The following TENM2 variants were observed in gnomAD, a reference collection of about 807,000 sequenced individuals.
The protein encoded by TENM2 is teneurin-2.
A neutral mutation model predicts 245.2 loss-of-function variants in TENM2; 52 were observed. The ratio of observed to expected loss-of-function variants is 0.21; its 90% confidence interval spans 0.17 to 0.27. The LOEUF is 0.27. Ranked by LOEUF, TENM2 falls within the 10% of genes least tolerant of loss-of-function variation. The probability of loss-of-function intolerance (pLI) is 1.00; values close to 1 mark genes in which losing one functional copy is unlikely to be tolerated. For missense variants in TENM2, 3,046 were observed against 3,666.8 expected (o/e 0.83, Z 4.37); for synonymous variants, 1,363 against 1,438.9 (o/e 0.95, Z 1.19).
intron 2 of TENM2, among the ~76,000 whole-genome samples, chr5:167,822,794 T>A (rs1297588336): frequency 1.3e-5 from 2 of 152,202 alleles, no homozygotes; most frequent in Admixed American, 6.5e-5. Flanking sequence ...AGGGGGGCTA[T>A]TAGCAGGCAT....
At chr5:167,299,860 G>A (rs1581692828) in intron 1 of TENM2, among the ~76,000 whole-genome samples, 1 of 152,160 alleles carries the variant, frequency 6.6e-6, no homozygotes, top group Non-Finnish European at 1.5e-5. Flanking sequence ...AACAAAGAGT[G>A]AGTACAGCTG....
At chr5:167,462,188 C>CCA (rs1554159735) in intron 2 of TENM2, among the ~76,000 whole-genome samples, 2 of 129,850 alleles carry the variant, frequency 1.5e-5, no homozygotes, top group African/African-American at 2.8e-5. Flanking sequence ...CCCACCCCCC[C>CCA]CCCCCATTGC....
chr5:167,930,620 G>A (rs932247653), intron 3 of TENM2, among the ~76,000 whole-genome samples: 2 of 151,992 alleles, frequency 1.3e-5, no homozygotes, highest in African/African-American at 4.8e-5. Flanking sequence ...GACTACAGGT[G>A]CATGCCACTA....
chr5:167,775,299 A>G (rs1267662382), intron 2 of TENM2, among the ~76,000 whole-genome samples: 1 of 152,162 alleles, frequency 6.6e-6, no homozygotes, highest in African/African-American at 2.4e-5. Flanking sequence ...CCACCTTGAA[A>G]CCAGTAAGCA....
At chr5:168,007,251 C>T (rs1258516955) in intron 5 of TENM2, among the ~76,000 whole-genome samples, 1 of 152,134 alleles carries the variant, frequency 6.6e-6, no homozygotes, top group Non-Finnish European at 1.5e-5. Flanking sequence ...GCCTCAGCCT[C>T]CCCAGTAGCT....
At chr5:167,341,188 C>T (rs562594729) in intron 1 of TENM2, among the ~76,000 whole-genome samples, 2 of 152,190 alleles carry the variant, frequency 1.3e-5, no homozygotes, top group South Asian at 2.1e-4. Flanking sequence ...ATGGCAGGCC[C>T]CTGTGAGTTG....
rs181116787 is a variant in TENM2 at position 167,357,861 on chromosome 5, A to G, written c.227-17337A>G. Among the ~76,000 whole-genome samples the G allele has an allele frequency of 1.9e-3, 292 of 152,206 alleles. 1 individual carries two copies. The highest frequency in any genetic ancestry group is 6.8e-3 in the African/African-American group (283 of 41,536). On this transcript the variant is annotated intron_variant, in intron 1 of 28. Transcript: ENST00000518659. ...CTCCAGCACCTCCTCCTCATCTTCA[A>G]TCAGAAACGAATTTCGAAACCACAT...
intron 2 of TENM2, among the ~76,000 whole-genome samples, chr5:167,739,082 C>T (rs1019752333): frequency 5.9e-5 from 9 of 152,114 alleles, no homozygotes; most frequent in Admixed American, 2.0e-4. Flanking sequence ...TACATTAAAA[C>T]GAGTTAAAGT....
At chr5:167,329,594 C>T (rs1048265624) in intron 1 of TENM2, among the ~76,000 whole-genome samples, 1 of 142,622 alleles carries the variant, frequency 7.0e-6, no homozygotes, top group Admixed American at 7.2e-5. Flanking sequence ...GTGGCATACT[C>T]CCCTTACGTT....
the TENM2 span, among the ~76,000 whole-genome samples, chr5:167,220,607 G>A: frequency 6.6e-6 from 1 of 152,108 alleles, no homozygotes; most frequent in African/African-American, 2.4e-5. Flanking sequence ...TCACGTATAG[G>A]TGCATGACTG....
At chr5:167,038,727 C>T in the TENM2 span, among the ~76,000 whole-genome samples, 11 of 152,098 alleles carry the variant, frequency 7.2e-5, no homozygotes, top group African/African-American at 2.4e-4. Flanking sequence ...TGTGTAATTC[C>T]GTTCTTTCAA....
chr5:167,952,851 C>T (rs1191344576), intron 4 of TENM2, 29 bp downstream of exon 6: 2 of 1,530,038 alleles, frequency 1.3e-6, no homozygotes, highest in East Asian at 2.5e-5. Context: ...CTCACAGTCA[C>T]ACTCAGTGTC....
At chr5:167,298,465 A>C (rs573818841) in intron 1 of TENM2, among the ~76,000 whole-genome samples, 3 of 152,094 alleles carry the variant, frequency 2.0e-5, no homozygotes, top group Non-Finnish European at 4.4e-5. Context: ...TAGCCGGGCG[A>C]GGTGGCGGGC....
At chr5:167,233,001 C>T in the TENM2 span, among the ~76,000 whole-genome samples, 6 of 148,522 alleles carry the variant, frequency 4.0e-5, no homozygotes, top group African/African-American at 1.3e-4. Flanking sequence ...CAAGGAGAGT[C>T]AACTACTTGG....
the TENM2 span, among the ~76,000 whole-genome samples, chr5:167,189,678 C>G: frequency 6.6e-6 from 1 of 151,916 alleles, no homozygotes; most frequent in Non-Finnish European, 1.5e-5. Context: ...AGGTTATCCT[C>G]CCACCCCAGC....
chr5:167,281,219 T>G (rs1188658198), upstream of TENM2, among the ~76,000 whole-genome samples: 1 of 151,728 alleles, frequency 6.6e-6, no homozygotes, highest in East Asian at 1.9e-4. Context: ...AGCAATTCTC[T>G]TCCTCAGCAT....
intron 2 of TENM2, among the ~76,000 whole-genome samples, chr5:167,445,311 TTATATATA>T (rs755614167): frequency 2.6e-3 from 184 of 69,910 alleles, no homozygotes; most frequent in South Asian, 5.4e-3. Context: ...AACCATATGA[TTATATATA>T]TATATATATA....
At chr5:168,147,660 G>T (rs564716325) in intron 12 of TENM2, among the ~76,000 whole-genome samples, 30 of 152,302 alleles carry the variant, frequency 2.0e-4, no homozygotes, top group African/African-American at 7.0e-4. Context: ...TCTCATCCAA[G>T]GATATTTTTG....
chr5:167,694,046 C>A (rs1347647971), intron 2 of TENM2, among the ~76,000 whole-genome samples: 1 of 152,156 alleles, frequency 6.6e-6, no homozygotes, highest in Non-Finnish European at 1.5e-5. Flanking sequence ...TTTAGAAAGG[C>A]ACCAGAAATC....
Sources: gnomAD v4.1 joint callset for allele counts (sites outside exome capture counted in the v4.1 genomes callset) on GRCh38, gnomAD v4.1.1 for gene constraint, MANE v1.5 for transcripts, NCBI Gene and HGNC (gene_info 2026-07-23, HGNC 2026-07-21) for gene names.